Variants in LETM2 observed in about 807,000 individuals in gnomAD.
LETM2 encodes leucine zipper and EF-hand containing transmembrane protein 2, also known as LETM1 domain-containing protein LETM2, mitochondrial.
Under a neutral mutation model 59.6 loss-of-function variants are expected in LETM2, and 58 were observed. The ratio of observed to expected loss-of-function variants is 0.97; its 90% CI spans 0.79 to 1.21. The LOEUF (loss-of-function observed/expected upper bound fraction) is 1.21, where lower values mean the gene tolerates loss of function less well. LETM2 is among the 50% of genes most tolerant of loss of function. The pLI, the probability that LETM2 is intolerant of heterozygous loss-of-function variation, is 0.00. For synonymous variants in LETM2, 199 were observed against 214.1 expected (o/e 0.93, Z 0.62); for missense variants, 572 against 575.7 (o/e 0.99, Z 0.07).
chr8:38,404,449 C>T lies in LETM2; in HGVS notation c.1161C>T (p.Arg387=). ...NVPPSLLLLS[R]TFYLIDVKPK... is the part of the protein sequence containing the mutation. Reference sequence around the variant, plus strand: ...CTCCTTCCCTTTTGCTCCTGTCCCGCACCTTCTACCTGATAGATGTGAAGC... The same window carrying T: ...CTCCTTCCCTTTTGCTCCTGTCCCGTACCTTCTACCTGATAGATGTGAAGC... Residue 387 remains arginine, a synonymous_variant, in exon 8 of 11, where the codon CGC becomes CGT. Coordinates refer to ENST00000379957, the MANE Select transcript of LETM2 (RefSeq NM_001286819.2). 7 of 1,614,112 alleles carry T rather than the reference C, an allele frequency of 4.3e-6. No individual in the cohort carries two copies. The highest frequency in any genetic ancestry group is 5.9e-6 in the Non-Finnish European group (7 of 1,179,998).
intron 10 of LETM2, among the ~76,000 whole-genome samples, chr8:38,407,826 T>C (rs1462421434): frequency 2.0e-5 from 3 of 152,192 alleles, no homozygotes; most frequent in Non-Finnish European, 4.4e-5. Flanking sequence ...GAGAAATGCA[T>C]GTAAATAAGA....
rs1305746505 is a variant in LETM2, at chr8:38,400,285, AAAAG to A, written c.663_666del (p.Lys222TrpfsTer3). The A allele has an allele frequency of 3.1e-6, 5 of 1,609,028 alleles. No homozygotes were observed. Among genetic ancestry groups the A allele is most frequent in the Admixed American group, 1.7e-5 (1 of 58,852 alleles). ...TCTACCATTAAGGAAGAAAAACAGA[AAAAG>A]AAAATGGCTGTAAAGTTGGAACTAG... On this transcript the variant is annotated frameshift_variant, in exon 5 of 11. Coordinates refer to ENST00000379957, the MANE Select transcript of LETM2 (RefSeq NM_001286819.2). LOFTEE classifies it high-confidence loss of function.
chr8:38,386,473 A>G (rs1811780838), upstream of LETM2: 1 of 152,150 alleles, frequency 6.6e-6, no homozygotes, highest in Non-Finnish European at 1.5e-5. Context: ...AAGAGGCGGA[A>G]CCGTAGAGAC....
chr8:38,385,622 TC>T (rs1251632695), upstream of LETM2, among the ~76,000 whole-genome samples: 1 of 152,218 alleles, frequency 6.6e-6, no homozygotes, highest in African/African-American at 2.4e-5. Context: ...GTTTTCTGTC[TC>T]CTGACCTTGT....
intron 2 of LETM2, among the ~76,000 whole-genome samples, chr8:38,389,626 G>A (rs1812053748): frequency 6.6e-6 from 1 of 152,166 alleles, no homozygotes. Context: ...AATAGTCTGA[G>A]GCTGGCTGCA....
upstream of LETM2, among the ~76,000 whole-genome samples, chr8:38,385,498 A>G (rs2150404062): frequency 6.6e-6 from 1 of 152,246 alleles, no homozygotes; most frequent in East Asian, 1.9e-4. Flanking sequence ...GGTTCAAGCG[A>G]TTCTCCTGCC....
At chr8:38,398,614 T>C (rs1188671306) in intron 4 of LETM2, among the ~76,000 whole-genome samples, 1 of 152,218 alleles carries the variant, frequency 6.6e-6, no homozygotes, top group African/African-American at 2.4e-5. Flanking sequence ...TTCTTACCTG[T>C]TGTTGCTCAT....
chr8:38,389,908 A>C (rs1278325879), intron 2 of LETM2, among the ~76,000 whole-genome samples: 4 of 150,730 alleles, frequency 2.7e-5, no homozygotes, highest in African/African-American at 4.9e-5. Flanking sequence ...CTAAAGCAGG[A>C]GAATCGCTTG....
chr8:38,390,263 G>A (rs571165330), intron 2 of LETM2, among the ~76,000 whole-genome samples: 2 of 152,014 alleles, frequency 1.3e-5, no homozygotes, highest in East Asian at 1.9e-4. Flanking sequence ...TAGGAAGATT[G>A]CTTTAGCCCA....
At chr8:38,398,515 T>C (rs989918288) in intron 4 of LETM2, among the ~76,000 whole-genome samples, 2 of 152,170 alleles carry the variant, frequency 1.3e-5, no homozygotes, top group African/African-American at 4.8e-5. Context: ...CCCATTATGC[T>C]TCTATATTAA....
rs2150439392 is a variant in LETM2, at chr8:38,400,795, G to A, written c.784-58G>A. ...GATGTCTCTTTCAAATAGCCTATTG[G>A]GAAAGTTAAATTAAGTAGAAAACAC... On this transcript the variant is annotated intron_variant, in intron 5 of 10. Coordinates refer to ENST00000379957, the MANE Select transcript of LETM2 (RefSeq NM_001286819.2). The A allele has an allele frequency of 4.1e-6, 6 of 1,467,956 alleles. No homozygotes were observed. In the South Asian group the frequency reaches 7.2e-5, roughly 17 times the overall value. 90.9% of individuals were successfully genotyped at this position (1,467,956 alleles called of 1,614,324 possible). A position where few individuals can be genotyped will look rare whatever the true frequency, so the allele number is the denominator to read the frequency against.
chr8:38,386,514 C>G lies in LETM2; in HGVS notation c.-89C>G, dbSNP rs943419646. 6.6e-6 allele frequency: 1 copy of G among 152,248 alleles called. No homozygotes were observed. The highest frequency in any genetic ancestry group is 1.5e-5 in the Non-Finnish European group (1 of 68,136). 9.4% of individuals were successfully genotyped at this position (152,248 alleles called of 1,614,324 possible). On this transcript the variant is annotated 5_prime_UTR_variant, in exon 1 of 11. Transcript: ENST00000379957. ...TTCGGGCCCTTCTAGCTTGGGGGTC[C>G]CGGGAAGGAGCTGGGAGGACCTAGG...
intron 7 of LETM2, among the ~76,000 whole-genome samples, chr8:38,403,858 A>G (rs370313765): frequency 5.9e-5 from 9 of 152,138 alleles, no homozygotes; most frequent in African/African-American, 1.9e-4. Flanking sequence ...TCTTTTGTGC[A>G]TATATTACTG....
chr8:38,401,359 A>G (rs1356503068), intron 6 of LETM2, among the ~76,000 whole-genome samples: 1 of 151,408 alleles, frequency 6.6e-6, no homozygotes, highest in African/African-American at 2.4e-5. Flanking sequence ...TTGGTCTCAA[A>G]CTCCTGACCT....
chr8:38,401,144 TTTTG>T (rs1408500384), intron 6 of LETM2, 91 bp downstream of exon 6: 6 of 1,037,162 alleles, frequency 5.8e-6, no homozygotes, highest in Middle Eastern at 3.1e-4. Context: ...TATTTTTTGT[TTTTG>T]TTTTTGTTTT....
intron 3 of LETM2, 145 bp downstream of exon 3, chr8:38,393,140 G>A (rs1812431996): frequency 1.5e-6 from 1 of 660,502 alleles, no homozygotes; most frequent in Middle Eastern, 3.0e-4. Flanking sequence ...TTTCTTGTCT[G>A]CAACCGACTT....
upstream of LETM2, among the ~76,000 whole-genome samples, chr8:38,384,339 A>G (rs1465115047): frequency 6.6e-6 from 1 of 152,212 alleles, no homozygotes; most frequent in East Asian, 1.9e-4. Context: ...TGTGAAGTAG[A>G]TGCATAGTCT....
intron 8 of LETM2, 88 bp from the exon 9 acceptor site, chr8:38,406,858 T>C (rs1228511966): frequency 2.6e-6 from 2 of 780,992 alleles, no homozygotes; most frequent in Non-Finnish European, 4.4e-6. Flanking sequence ...AAGCAAATAG[T>C]GCTAAAAAAG....
chr8:38,393,021 G>C (rs202147935), intron 3 of LETM2, 26 bp downstream of exon 3: 30 of 1,526,044 alleles, frequency 2.0e-5, no homozygotes, highest in Non-Finnish European at 2.6e-5. Flanking sequence ...ATTTGAGAAA[G>C]AAAATGTGAA....
Sources: allele counts gnomAD v4.1 joint callset (sites outside exome capture counted in the v4.1 genomes callset), GRCh38; gene constraint gnomAD v4.1.1; transcripts MANE v1.5; gene names NCBI Gene and HGNC (gene_info 2026-07-23, HGNC 2026-07-21).